DNMT1: variants seen among roughly 807,000 people sequenced by gnomAD.
The protein encoded by DNMT1 is DNA (cytosine-5)-methyltransferase 1.
Under a neutral mutation model 205.3 loss-of-function variants are expected in DNMT1, and 24 were observed. The observed-to-expected ratio is 0.12, with a 90% CI of 0.08 to 0.16. DNMT1 has a LOEUF of 0.16. DNMT1 is among the 10% of genes least tolerant of loss of function. The pLI, the probability that DNMT1 is intolerant of heterozygous loss-of-function variation, is 1.00. For synonymous variants in DNMT1, 817 were observed against 839.8 expected (o/e 0.97, Z 0.47); for missense variants, 1,293 against 2,177.7 (o/e 0.59, Z 8.09).
At chr19:10,139,433 T>C (rs1233837703) in intron 34 of DNMT1, among the ~76,000 whole-genome samples, 2 of 152,256 alleles carry the variant, frequency 1.3e-5, no homozygotes, top group Non-Finnish European at 2.9e-5. Flanking sequence ...AAGCCCATTG[T>C]AGCCAGCCCT....
intron 7 of DNMT1, 140 bp downstream of exon 7, chr19:10,175,400 T>C (rs2038920233): frequency 3.5e-6 from 3 of 847,504 alleles, no homozygotes; most frequent in Admixed American, 2.0e-5. Context: ...ATATACATTC[T>C]ATTGGTCCTG....
In DNMT1 at chr19:10,151,339, AG is replaced by A. The variant is rs1486264792; in HGVS notation, c.2265+58del. 3 of 1,603,570 alleles carry A rather than the reference AG, an allele frequency of 1.9e-6. No individual in the cohort carries two copies. The highest frequency in any genetic ancestry group is 1.7e-6 in the Non-Finnish European group (2 of 1,179,712). The stretch of plus-strand genomic sequence containing the variant: ...AGAGGTCAGGTTGGCGAGATACTAG[AG>A]GGCAACCTGCTTATTGGGAACATGG... On this transcript the variant is annotated intron_variant, in intron 24 of 40. Transcript: ENST00000359526. This position sits in a 1 kb window ranked among gnomAD's most constrained non-coding sequence, Gnocchi z 5.0.
chr19:10,156,560 C>CT lies in DNMT1; in HGVS notation c.1281-52dup. On this transcript the variant is annotated intron_variant, in intron 17 of 40. Coordinates refer to ENST00000359526, the MANE Select transcript of DNMT1 (RefSeq NM_001130823.3). This position sits in a 1 kb window ranked among gnomAD's most constrained non-coding sequence, Gnocchi z 4.2. ...TACCAGCTAAGCCGTGAAGGCGGGT[C>CT]TTCGTGCAGACTTCAGATCAGGCAC... 7.3e-7 allele frequency: 1 copy of CT among 1,374,972 alleles called. No homozygotes were observed. The highest frequency in any genetic ancestry group is 1.0e-6 in the Non-Finnish European group (1 of 963,760). 85.2% of individuals were successfully genotyped at this position (1,374,972 alleles called of 1,614,324 possible). A position where few individuals can be genotyped will look rare whatever the true frequency, so the allele number is the denominator to read the frequency against.
chr19:10,186,838 C>CAAAAAAAAAAAAAAAAAAAAA (rs35238334), intron 1 of DNMT1, among the ~76,000 whole-genome samples: 22 of 70,684 alleles, frequency 3.1e-4, no homozygotes, highest in East Asian at 5.5e-4. Flanking sequence ...AACTCCGTCT[C>CAAAAAAAAAAAAAAAAAAAAA]AAAAAAAAAA....
chr19:10,186,933 T>A (rs2039196976), intron 1 of DNMT1, among the ~76,000 whole-genome samples: 1 of 148,650 alleles, frequency 6.7e-6, no homozygotes, highest in African/African-American at 2.5e-5. Flanking sequence ...AGAAAGGGTA[T>A]AACAGCCTCA....
rs116128021 is a variant in DNMT1, at chr19:10,139,483, G to A, written c.3948+193C>T. Among the ~76,000 whole-genome samples, 48 of 152,364 alleles carry A rather than the reference G, an allele frequency of 3.2e-4. 1 individual carries two copies. The highest frequency in any genetic ancestry group is 7.9e-4 in the African/African-American group (33 of 41,592). On this transcript the variant is annotated intron_variant, in intron 34 of 40. Transcript: ENST00000359526. ...AGAACACAGCTCAAGAGACACTAGC[G>A]GTGGACTTGCTGGGGGCCGGCTGAG...
Position 10,133,582 on chromosome 19 carries a change from C to A in DNMT1, c.*85G>T, listed in dbSNP as rs576045333. 2.7e-6 allele frequency: 4 copies of A among 1,474,278 alleles called. No individual in the cohort carries two copies. The highest frequency in any genetic ancestry group is 1.4e-5 in the African/African-American group (1 of 71,406). 91.3% of individuals were successfully genotyped at this position (1,474,278 alleles called of 1,614,324 possible). A position where few individuals can be genotyped will look rare whatever the true frequency, so the allele number is the denominator to read the frequency against. On this transcript the variant is annotated 3_prime_UTR_variant, in exon 41 of 41. Transcript: ENST00000359526. This position sits in a 1 kb window ranked among gnomAD's most constrained non-coding sequence, Gnocchi z 4.1. ...AAACACCATGTACCACACATGTGAA[C>A]GGACAGATTGACATGTTAAAAACAC...
chr19:10,163,084 T>C, intron 12 of DNMT1: 1 of 568,892 alleles, frequency 1.8e-6, no homozygotes, highest in Non-Finnish European at 3.1e-6. Context: ...GCCTCAGCCT[T>C]CCGAGTAGCT....
chr19:10,161,321 GTAAATAAA>G (rs112691763), intron 13 of DNMT1, among the ~76,000 whole-genome samples: 2,831 of 146,636 alleles, frequency 0.019, 77 homozygotes, highest in African/African-American at 0.063. Context: ...AAATACATAA[GTAAATAAA>G]TAAATAAATA....
Position 10,194,939 on chromosome 19 carries a change from G to T in DNMT1, c.-40C>A. On this transcript the variant is annotated 5_prime_UTR_variant, in exon 1 of 41. Coordinates refer to ENST00000359526, the MANE Select transcript of DNMT1 (RefSeq NM_001130823.3). ...CAGACGCGGCGGCGGCAGCGCAGGC[G>T]CCCCGGCTTTTCGCGCGGAAACCGA... is the stretch of plus-strand genomic sequence containing the variant. 2 of 1,579,394 alleles carry T rather than the reference G, an allele frequency of 1.3e-6. No individual in the cohort carries two copies. The highest frequency in any genetic ancestry group is 1.7e-6 in the Non-Finnish European group (2 of 1,163,876).
chr19:10,156,910 C>A lies in DNMT1; in HGVS notation c.1281-401G>T, dbSNP rs2038467877. ...TGGGATTACAGGCTGAACCACCATG[C>A]CTGGCCCCGACACTCATTTTTTGGT... On this transcript the variant is annotated intron_variant, in intron 17 of 40. Coordinates refer to ENST00000359526, the MANE Select transcript of DNMT1 (RefSeq NM_001130823.3). The surrounding 1 kb of genome is among the most constrained non-coding windows in gnomAD (Gnocchi z 4.2). Among the ~76,000 whole-genome samples, 2 of 152,136 alleles carry A rather than the reference C, an allele frequency of 1.3e-5. No homozygotes were observed. The highest frequency in any genetic ancestry group is 6.6e-5 in the Admixed American group (1 of 15,258).
chr19:10,155,081 A>T (rs770118556), intron 19 of DNMT1, 25 bp from the exon 20 acceptor site: 1 of 1,613,330 alleles, frequency 6.2e-7, no homozygotes, highest in East Asian at 2.2e-5. Flanking sequence ...GGAGGTGTGG[A>T]AAAGGGGCTG....
chr19:10,154,785 A>G lies in DNMT1; in HGVS notation c.1645-12T>C. On this transcript the variant is annotated splice_polypyrimidine_tract_variant and intron_variant, in intron 20 of 40. Coordinates refer to ENST00000359526, the MANE Select transcript of DNMT1 (RefSeq NM_001130823.3). This position sits in a 1 kb window ranked among gnomAD's most constrained non-coding sequence, Gnocchi z 6.3. ...GGAGGAACCGTGGTCTTGAAAGAGAACAGGTTTCTCTCATGCTTAAGCCAA... is the reference window on the plus strand; with the variant it reads ...GGAGGAACCGTGGTCTTGAAAGAGAGCAGGTTTCTCTCATGCTTAAGCCAA... 1.2e-6 allele frequency: 2 copies of G among 1,614,248 alleles called. No homozygotes were observed. The highest frequency in any genetic ancestry group is 1.7e-6 in the Non-Finnish European group (2 of 1,180,054).
rs137880469 is a variant in DNMT1, at chr19:10,142,106, G to A, written c.3231C>T (p.Thr1077=). Residue 1077 remains threonine (T), a synonymous_variant, in exon 30 of 41, where the codon ACC becomes ACT. Coordinates refer to ENST00000359526, the MANE Select transcript of DNMT1 (RefSeq NM_001130823.3). ...CGGGCAGGTCCTCCCCATACTCCACGGTGCAGCGGCCCTGCACAGCCTTGA... is the reference window on the plus strand; with the variant it reads ...CGGGCAGGTCCTCCCCATACTCCACAGTGCAGCGGCCCTGCACAGCCTTGA... ...VDFKAVQGRC[T]VEYGEDLPEC... The A allele has an allele frequency of 1.4e-5, 23 of 1,613,068 alleles. No homozygotes were observed. Among genetic ancestry groups the A allele is most frequent in the East Asian group, 1.1e-4 (5 of 44,848 alleles).
At position 10,194,945 on chromosome 19, in the gene DNMT1, G is replaced by A. The variant is rs943719269; in HGVS notation, c.-46C>T. 3 of 1,569,844 alleles carry A rather than the reference G, an allele frequency of 1.9e-6. No homozygotes were observed. Among genetic ancestry groups the A allele is most frequent in the Non-Finnish European group, 2.6e-6 (3 of 1,159,456 alleles). ...CGGCGGCGGCAGCGCAGGCGCCCCG[G>A]CTTTTCGCGCGGAAACCGATGGGGA... On this transcript the variant is annotated 5_prime_UTR_variant, in exon 1 of 41. Coordinates refer to ENST00000359526, the MANE Select transcript of DNMT1 (RefSeq NM_001130823.3).
intron 7 of DNMT1, among the ~76,000 whole-genome samples, 188 bp downstream of exon 7, chr19:10,175,352 G>A (rs530038861): frequency 1.6e-3 from 244 of 151,922 alleles, no homozygotes; most frequent in African/African-American, 5.6e-3. Context: ...ATACATACAC[G>A]TGCATATGTA....
At chr19:10,148,324 G>A (rs867291790) in intron 27 of DNMT1, among the ~76,000 whole-genome samples, 13 of 149,364 alleles carry the variant, frequency 8.7e-5, no homozygotes, top group Middle Eastern at 3.4e-3. Context: ...GTGAAACCTC[G>A]TCTCTACTAA....
intron 1 of DNMT1, among the ~76,000 whole-genome samples, chr19:10,183,210 G>A (rs1334634068): frequency 6.6e-6 from 1 of 150,728 alleles, no homozygotes; most frequent in African/African-American, 2.4e-5. Flanking sequence ...CCGACTCCCA[G>A]GTTCAAGCGA....
In DNMT1 at chr19:10,138,670, C is replaced by A. The variant is rs1280543798; in HGVS notation, c.3949-65G>T. 2.6e-6 allele frequency: 4 copies of A among 1,556,300 alleles called. No homozygotes were observed. The African/African-American group carries it at 5.4e-5, about 21-fold the overall frequency. On this transcript the variant is annotated intron_variant, in intron 34 of 40. Transcript: ENST00000359526. This position sits in a 1 kb window ranked among gnomAD's most constrained non-coding sequence, Gnocchi z 4.1. The stretch of plus-strand genomic sequence containing the variant: ...ACACTCCCAACTGGACTGGCCAGAC[C>A]CAGGCCCAGGGTCAGCAGCCTGAGT...
Sources: allele counts gnomAD v4.1 joint callset (sites outside exome capture counted in the v4.1 genomes callset), GRCh38; gene constraint gnomAD v4.1.1; non-coding constraint Gnocchi (gnomAD v3.1); transcripts MANE v1.5; gene names NCBI Gene and HGNC (gene_info 2026-07-23, HGNC 2026-07-21).